The following HCRTR2 variants were observed in gnomAD, a reference collection of about 807,000 sequenced individuals.
The protein encoded by HCRTR2 is hypocretin receptor 2, also known as orexin receptor type 2.
Under a neutral mutation model 49.0 loss-of-function variants are expected in HCRTR2, and 22 were observed. The ratio of observed to expected loss-of-function variants is 0.45; its 90% CI spans 0.32 to 0.64. The LOEUF (loss-of-function observed/expected upper bound fraction) is 0.64, where lower values mean the gene tolerates loss of function less well. Ranked by LOEUF, HCRTR2 falls within the 30% of genes least tolerant of loss-of-function variation. The probability of loss-of-function intolerance (pLI) is 0.04; values close to 1 mark genes in which losing one functional copy is unlikely to be tolerated. For synonymous variants in HCRTR2, 236 were observed against 205.3 expected, an observed-to-expected ratio of 1.15 and a Z score of -1.28; for missense variants, 491 against 559.4, an observed-to-expected ratio of 0.88 and a Z score of 1.23.
chr6:55,217,623 C>G (rs1204501177), intron 1 of HCRTR2, among the ~76,000 whole-genome samples: 4 of 152,130 alleles, frequency 2.6e-5, no homozygotes, highest in Non-Finnish European at 5.9e-5. Context: ...CTTGTTCCCC[C>G]TTTCTGTCTG....
In HCRTR2 at chr6:55,165,744, AATATATATAT is replaced by A. The variant is rs56655240; in HGVS notation, c.-377-8431_-377-8422del. ...TATTTGTTAAGGGATTAGTATACAG[AATATATATAT>A]ATATATATATATATATATATATATA... is the stretch of plus-strand genomic sequence containing the variant. On this transcript the variant is annotated intron_variant, in intron 1 of 7. Transcript: ENST00000615358. 7.2e-3 allele frequency among the ~76,000 whole-genome samples: 921 copies of A among 128,416 alleles called. 16 individuals carry two copies. The highest frequency in any genetic ancestry group is 0.025 in the African/African-American group (801 of 32,418). The allele number at this position is 128,416 out of a possible 152,430, so 84.2% of individuals were successfully genotyped here.
At chr6:55,167,498 T>G (rs1337629794) in intron 1 of HCRTR2, among the ~76,000 whole-genome samples, 3 of 151,996 alleles carry the variant, frequency 2.0e-5, no homozygotes, top group Admixed American at 1.3e-4. Context: ...TTCCTCTAAC[T>G]CAGACAAATA....
chr6:55,205,298 A>C (rs928944312), intron 1 of HCRTR2, among the ~76,000 whole-genome samples: 1 of 152,198 alleles, frequency 6.6e-6, no homozygotes, highest in African/African-American at 2.4e-5. Context: ...AATAATTGAG[A>C]CATGGAGTAC....
chr6:55,161,676 A>C (rs1317441632), intron 1 of HCRTR2, among the ~76,000 whole-genome samples: 2 of 152,206 alleles, frequency 1.3e-5, no homozygotes, highest in African/African-American at 4.8e-5. Context: ...ACAGAAATAC[A>C]AACTACCATC....
chr6:55,254,056 A>C (rs1489078209), intron 2 of HCRTR2, among the ~76,000 whole-genome samples: 1 of 152,188 alleles, frequency 6.6e-6, no homozygotes, highest in African/African-American at 2.4e-5. Context: ...AATATTTCTT[A>C]AATGCATAAT....
intron 2 of HCRTR2, among the ~76,000 whole-genome samples, chr6:55,249,521 A>T (rs1344084460): frequency 1.3e-5 from 2 of 152,158 alleles, no homozygotes; most frequent in Non-Finnish European, 2.9e-5. Context: ...TACATAATTC[A>T]TATAAATAAG....
Position 55,248,722 on chromosome 6 carries a change from G to A in HCRTR2, c.307G>A (p.Val103Met), listed in dbSNP as rs201582748. 2.5e-6 allele frequency: 4 copies of A among 1,613,384 alleles called. No homozygotes were observed. Among genetic ancestry groups the A allele is most frequent in the East Asian group, 2.2e-5 (1 of 44,858 alleles). Reference sequence around the variant, plus strand: ...CAATCTTTCTCTGGCTGATGTGCTCGTGACCATCACCTGCCTTCCAGCCAC... The same window carrying A: ...CAATCTTTCTCTGGCTGATGTGCTCATGACCATCACCTGCCTTCCAGCCAC... The part of the protein sequence containing the change: ...IVNLSLADVL[V>M]TITCLPATLV... Residue 103 changes from valine to methionine, a missense_variant, in exon 2 of 7, where the codon GTG (valine) becomes ATG (methionine). Physicochemically the swap from Val to Met is conservative, Grantham distance 21. Coordinates refer to ENST00000370862, the MANE Select transcript of HCRTR2 (RefSeq NM_001384272.1).
At chr6:55,127,770 G>C (rs925152050) in intron 1 of HCRTR2, among the ~76,000 whole-genome samples, 3 of 151,606 alleles carry the variant, frequency 2.0e-5, no homozygotes, top group African/African-American at 7.3e-5. Flanking sequence ...TCATATGCTT[G>C]AGCCAGAAGC....
At chr6:55,211,855 T>G (rs3122153) in intron 1 of HCRTR2, among the ~76,000 whole-genome samples, 50,345 of 151,942 alleles carry the variant, frequency 0.33, 9,706 homozygotes, top group African/African-American at 0.53. Flanking sequence ...CAGCATGCTG[T>G]GCTAATGTCA....
chr6:55,225,040 A>T (rs1765975456), intron 1 of HCRTR2, among the ~76,000 whole-genome samples: 2 of 152,194 alleles, frequency 1.3e-5, no homozygotes, highest in Admixed American at 1.3e-4. Context: ...ATGTGAGGTA[A>T]TACATTTTTT....
intron 1 of HCRTR2, among the ~76,000 whole-genome samples, chr6:55,243,640 C>G (rs1410281176): frequency 6.6e-6 from 1 of 152,096 alleles, no homozygotes; most frequent in Non-Finnish European, 1.5e-5. Flanking sequence ...ATGAGCAAAT[C>G]AATTCCATCC....
In HCRTR2 at chr6:55,264,769, G is replaced by A. The variant is rs185716675; in HGVS notation, c.762+947G>A. Among the ~76,000 whole-genome samples the A allele has an allele frequency of 2.3e-3, 346 of 152,080 alleles. 1 individual carries two copies. Among genetic ancestry groups the A allele is most frequent in the African/African-American group, 6.5e-3 (270 of 41,512 alleles). On this transcript the variant is annotated intron_variant, in intron 4 of 6. Transcript: ENST00000370862. ...CAATTCTTAGAGATGTATTTCTCTC[G>A]TTCTCTAAACTTACTGCCGATACTT... is the stretch of plus-strand genomic sequence containing the variant.
At chr6:55,196,302 TC>T (rs1322004763) in intron 1 of HCRTR2, among the ~76,000 whole-genome samples, 1 of 152,104 alleles carries the variant, frequency 6.6e-6, no homozygotes, top group African/African-American at 2.4e-5. Flanking sequence ...CCTTCTCCCA[TC>T]CCCCAACCAC....
chr6:55,117,041 G>A (rs1764127937), intron 1 of HCRTR2, among the ~76,000 whole-genome samples: 2 of 151,782 alleles, frequency 1.3e-5, no homozygotes, highest in African/African-American at 4.8e-5. Flanking sequence ...ACAGTATGAT[G>A]TCAGATGATC....
At chr6:55,122,333 G>T (rs187436425) in intron 1 of HCRTR2, among the ~76,000 whole-genome samples, 4 of 151,900 alleles carry the variant, frequency 2.6e-5, no homozygotes, top group African/African-American at 9.7e-5. Flanking sequence ...TTTTTATTGT[G>T]TCTATTTGAT....
chr6:55,255,629 A>G (rs1766639022), intron 3 of HCRTR2, among the ~76,000 whole-genome samples: 1 of 152,284 alleles, frequency 6.6e-6, no homozygotes, highest in South Asian at 2.1e-4. Flanking sequence ...ATGAAAGGAG[A>G]TTATTCTACA....
At chr6:55,269,030 CAGTG>C (rs1766918090) in intron 4 of HCRTR2, among the ~76,000 whole-genome samples, 1 of 141,040 alleles carries the variant, frequency 7.1e-6, no homozygotes, top group African/African-American at 2.7e-5. Context: ...GTGGAGCCTG[CAGTG>C]AACAGAGATC....
chr6:55,122,515 G>A (rs1764215758), intron 1 of HCRTR2, among the ~76,000 whole-genome samples: 1 of 152,038 alleles, frequency 6.6e-6, no homozygotes, highest in African/African-American at 2.4e-5. Context: ...GCTTTTGAAT[G>A]TGTTTGCTCT....
At chr6:55,269,161 A>C (rs1315414185) in intron 4 of HCRTR2, among the ~76,000 whole-genome samples, 1 of 152,004 alleles carries the variant, frequency 6.6e-6, no homozygotes, top group African/African-American at 2.4e-5. Context: ...ATTTAAACAA[A>C]CTATGAAACC....
Sources: allele counts gnomAD v4.1 joint callset (sites outside exome capture counted in the v4.1 genomes callset), GRCh38; gene constraint gnomAD v4.1.1; transcripts MANE v1.5; gene names NCBI Gene and HGNC (gene_info 2026-07-23, HGNC 2026-07-21).